Variants in ZNF385D observed in about 807,000 individuals in gnomAD.
ZNF385D encodes the protein zinc finger protein 659.
ZNF385D carries 15 observed loss-of-function variants against 35.8 expected under a neutral mutation model. That is an observed-to-expected ratio of 0.42 (90% CI 0.28 to 0.64). The LOEUF (loss-of-function observed/expected upper bound fraction) is 0.64, where lower values mean the gene tolerates loss of function less well. Ranked by LOEUF, ZNF385D falls within the 30% of genes least tolerant of loss-of-function variation. The pLI, the probability that ZNF385D is intolerant of heterozygous loss-of-function variation, is 0.23. For missense variants in ZNF385D, 474 were observed against 494.6 expected (o/e 0.96, Z 0.39); for synonymous variants, 212 against 186.8 (o/e 1.13, Z -1.10).
intron 3 of ZNF385D, among the ~76,000 whole-genome samples, chr3:21,869,272 T>C (rs1445957620): frequency 6.6e-6 from 1 of 152,122 alleles, no homozygotes; most frequent in Non-Finnish European, 1.5e-5. Flanking sequence ...AGCATAACAT[T>C]GGGATGGGAC....
intron 3 of ZNF385D, among the ~76,000 whole-genome samples, chr3:21,959,811 T>C (rs1702485289): frequency 6.6e-6 from 1 of 152,122 alleles, no homozygotes; most frequent in South Asian, 2.1e-4. Flanking sequence ...AGAGAAAATC[T>C]GCAAAAGGCA....
chr3:22,117,404 G>A (rs1481966888), intron 3 of ZNF385D, among the ~76,000 whole-genome samples: 3 of 151,964 alleles, frequency 2.0e-5, no homozygotes, highest in Admixed American at 6.6e-5. Context: ...ACTAAATTAT[G>A]GGGAATGGTT....
At chr3:22,154,948 T>A (rs962689121) in intron 3 of ZNF385D, among the ~76,000 whole-genome samples, 2 of 152,128 alleles carry the variant, frequency 1.3e-5, no homozygotes, top group Admixed American at 6.6e-5. Flanking sequence ...CTGAAAGAAA[T>A]TGATATACAA....
At chr3:21,550,793 A>G (rs1472231466) in intron 3 of ZNF385D, among the ~76,000 whole-genome samples, 1 of 152,110 alleles carries the variant, frequency 6.6e-6, no homozygotes, top group Non-Finnish European at 1.5e-5. Flanking sequence ...TCTCTATTTT[A>G]TAATACCATT....
At chr3:21,751,381 A>AT, upstream of ZNF385D, 3 of 1,019,422 alleles carry the variant, frequency 2.9e-6, no homozygotes, top group South Asian at 3.9e-5. Context: ...GCTCTCTTAA[A>AT]GCGAGAAGAG....
At chr3:22,216,022 C>A (rs1009246941) in intron 2 of ZNF385D, among the ~76,000 whole-genome samples, 12 of 152,018 alleles carry the variant, frequency 7.9e-5, no homozygotes, top group Non-Finnish European at 1.6e-4. Context: ...AGTTCTGCTC[C>A]TATGACTTTG....
intron 3 of ZNF385D, among the ~76,000 whole-genome samples, chr3:21,536,717 T>G (rs1250517372): frequency 6.6e-6 from 1 of 152,054 alleles, no homozygotes; most frequent in African/African-American, 2.4e-5. Context: ...TAAATAATTA[T>G]GTAGAATATT....
intron 1 of ZNF385D, among the ~76,000 whole-genome samples, chr3:21,697,840 T>C (rs7629957): frequency 1.7e-3 from 251 of 152,104 alleles, no homozygotes; most frequent in African/African-American, 5.9e-3. Context: ...TGAAAACATA[T>C]GAAAAAATGC....
chr3:21,648,575 T>C (rs2065822092), intron 2 of ZNF385D, among the ~76,000 whole-genome samples: 1 of 152,172 alleles, frequency 6.6e-6, no homozygotes, highest in South Asian at 2.1e-4. Flanking sequence ...TTTGTTTTTA[T>C]AAACATTGAT....
At chr3:21,978,542 G>A (rs1215293037) in intron 3 of ZNF385D, among the ~76,000 whole-genome samples, 2 of 152,212 alleles carry the variant, frequency 1.3e-5, no homozygotes, top group Non-Finnish European at 2.9e-5. Context: ...GAGCTTAGAA[G>A]TTTGTCTGTG....
chr3:21,853,911 G>C (rs1006021536), intron 3 of ZNF385D, among the ~76,000 whole-genome samples: 2 of 151,700 alleles, frequency 1.3e-5, no homozygotes, highest in African/African-American at 4.8e-5. Flanking sequence ...TATAATAATA[G>C]AAATGAGAAG....
chr3:21,733,981 TG>T (rs1164232041), intron 1 of ZNF385D, among the ~76,000 whole-genome samples: 8 of 152,012 alleles, frequency 5.3e-5, no homozygotes, highest in Admixed American at 1.3e-4. Context: ...TTAATTATTA[TG>T]TTTTTTTGGT....
At position 21,975,702 on chromosome 3, in the gene ZNF385D, A is replaced by AATATATATATATATAT. The variant is rs56303677; in HGVS notation, c.325+193099_325+193114dup. Among the ~76,000 whole-genome samples the AATATATATATATATAT allele has an allele frequency of 1.2e-4, 15 of 124,030 alleles. 1 individual carries two copies. Among genetic ancestry groups the AATATATATATATATAT allele is most frequent in the Non-Finnish European group, 1.8e-4 (11 of 59,854 alleles). The allele number at this position is 124,030 out of a possible 152,430, so 81.4% of individuals were successfully genotyped here. A position where few individuals can be genotyped will look rare whatever the true frequency, so the allele number is the denominator to read the frequency against. ...ATATATACCTATTATGTACCCACGA[A>AATATATATATATATAT]ATATATATATATATATATATATATA... is the stretch of plus-strand genomic sequence containing the variant. On this transcript the variant is annotated intron_variant, in intron 3 of 5. Coordinates refer to the ZNF385D transcript ENST00000494108.
In ZNF385D at chr3:22,301,165, G is replaced by C. The variant is rs371668540; in HGVS notation, c.106+71285C>G. On this transcript the variant is annotated intron_variant, in intron 2 of 5. Coordinates refer to the ZNF385D transcript ENST00000494108. Reference sequence around the variant, plus strand: ...TGAACCTGGAGGTCGTTTGTTAAGCGAAATAAGCTGGGCACTGAAAGACAA... The same window carrying C: ...TGAACCTGGAGGTCGTTTGTTAAGCCAAATAAGCTGGGCACTGAAAGACAA... Among the ~76,000 whole-genome samples, 34 of 152,130 alleles carry C rather than the reference G, an allele frequency of 2.2e-4. No individual in the cohort carries two copies. In the East Asian group the frequency reaches 6.6e-3, roughly 29 times the overall value.
chr3:21,687,814 TTTTGA>T (rs1211470193), intron 1 of ZNF385D, among the ~76,000 whole-genome samples: 9 of 152,294 alleles, frequency 5.9e-5, no homozygotes, highest in Middle Eastern at 3.4e-3. Context: ...TCATGTACAA[TTTTGA>T]TTTGTTTCAT....
At chr3:21,694,778 T>C (rs1056784332) in intron 1 of ZNF385D, among the ~76,000 whole-genome samples, 2 of 152,182 alleles carry the variant, frequency 1.3e-5, no homozygotes, top group Non-Finnish European at 2.9e-5. Flanking sequence ...ATGACTCCAA[T>C]TGAGATCCAC....
At chr3:21,523,031 G>C (rs2125507211) in intron 3 of ZNF385D, among the ~76,000 whole-genome samples, 1 of 152,292 alleles carries the variant, frequency 6.6e-6, no homozygotes, top group East Asian at 1.9e-4. Flanking sequence ...ATGTATTAAG[G>C]AGATGCTGCT....
chr3:21,755,072 G>A (rs1382910965), upstream of ZNF385D, among the ~76,000 whole-genome samples: 2 of 152,236 alleles, frequency 1.3e-5, no homozygotes, highest in African/African-American at 4.8e-5. Context: ...GTTTGTGAGT[G>A]TGTTTGTCCT....
intron 3 of ZNF385D, among the ~76,000 whole-genome samples, chr3:22,063,752 C>A (rs989187121): frequency 1.3e-5 from 2 of 152,138 alleles, no homozygotes; most frequent in Non-Finnish European, 2.9e-5. Flanking sequence ...AAGTCACACC[C>A]TCTTCCCCTG....
Sources: allele counts gnomAD v4.1 joint callset (sites outside exome capture counted in the v4.1 genomes callset), GRCh38; gene constraint gnomAD v4.1.1; transcripts MANE v1.5; gene names NCBI Gene and HGNC (gene_info 2026-07-23, HGNC 2026-07-21).